Variants in PAX6 observed in about 807,000 individuals in gnomAD.
PAX6 encodes paired box 6.
A neutral mutation model predicts 60.7 loss-of-function variants in PAX6; 7 were observed. The ratio of observed to expected loss-of-function variants is 0.12; its 90% CI spans 0.07 to 0.22. PAX6 has a LOEUF of 0.22. PAX6 is among the 10% of genes least tolerant of loss of function. The probability of loss-of-function intolerance (pLI) is 1.00; values close to 1 mark genes in which losing one functional copy is unlikely to be tolerated. For synonymous variants in PAX6, 208 were observed against 201.2 expected, an observed-to-expected ratio of 1.03 and a Z score of -0.29; for missense variants, 355 against 555.2, an observed-to-expected ratio of 0.64 and a Z score of 3.62.
At position 31,790,877 on chromosome 11, in the gene PAX6, A is replaced by G; in HGVS notation, c.1075-17T>C. On this transcript the variant is annotated splice_polypyrimidine_tract_variant and intron_variant, in intron 12 of 13. Transcript: ENST00000640368. ...GACTGGGGGCTGTGAGGAGAGAGGC[A>G]AACCTGTGGTTACTGAGGAACACAT... is the stretch of plus-strand genomic sequence containing the variant. 2 of 1,613,170 alleles carry G rather than the reference A, an allele frequency of 1.2e-6. No homozygotes were observed. Among genetic ancestry groups the G allele is most frequent in the Non-Finnish European group, 1.7e-6 (2 of 1,179,582 alleles).
At chr11:31,816,401 C>T (rs1540318) in intron 1 of PAX6, 117,218 of 614,212 alleles carry the variant, frequency 0.19, 12,099 homozygotes, top group East Asian at 0.33. Flanking sequence ...GTCCTCGGCT[C>T]GCCCTGGGCG....
chr11:31,813,004 A>G (rs1320663911), upstream of PAX6: 1 of 152,092 alleles, frequency 6.6e-6, no homozygotes, highest in East Asian at 1.9e-4. Context: ...CCTGCGACCA[A>G]GGAGCCCGGG....
At chr11:31,790,634 C>A in intron 13 of PAX6, 76 bp downstream of exon 13, 1 of 1,600,290 alleles carries the variant, frequency 6.2e-7, no homozygotes, top group Non-Finnish European at 8.6e-7. Flanking sequence ...TCCCATAAGA[C>A]CAGGAGATTC....
chr11:31,790,960 C>A (rs1393126821), intron 12 of PAX6, 100 bp from the exon 13 acceptor site: 1 of 1,238,942 alleles, frequency 8.1e-7, no homozygotes, highest in Non-Finnish European at 1.2e-6. Flanking sequence ...CAAGTCTGAT[C>A]ATTAAAGATG....
intron 8 of PAX6, among the ~76,000 whole-genome samples, chr11:31,795,732 G>A (rs1951269895): frequency 6.6e-6 from 1 of 152,242 alleles, no homozygotes; most frequent in South Asian, 2.1e-4. Flanking sequence ...GCTGCCTGGA[G>A]GGCAAGATGT....
At chr11:31,804,507 G>C (rs981947916) in intron 4 of PAX6, 2 of 152,264 alleles carry the variant, frequency 1.3e-5, no homozygotes, top group Non-Finnish European at 2.9e-5. Flanking sequence ...AGGCGTTTGG[G>C]GGATCTGGGC....
chr11:31,809,327 C>T (rs988864268), intron 2 of PAX6: 1 of 152,254 alleles, frequency 6.6e-6, no homozygotes, highest in Non-Finnish European at 1.5e-5. Flanking sequence ...CTTTGCCTTT[C>T]ATTTCATTTT....
intron 9 of PAX6, 122 bp downstream of exon 9, chr11:31,794,508 C>A: frequency 1.0e-6 from 1 of 962,480 alleles, no homozygotes; most frequent in Non-Finnish European, 1.6e-6. Context: ...AATAAAAAGA[C>A]AGAAAAAAGG....
intron 13 of PAX6, 26 bp downstream of exon 13, chr11:31,790,684 G>A (rs768403280): frequency 1.2e-6 from 2 of 1,613,656 alleles, no homozygotes; most frequent in Admixed American, 1.7e-5. Flanking sequence ...TCGCCTCTGT[G>A]CAGCCTGCAG....
chr11:31,807,266 A>C (rs562230027), intron 2 of PAX6: 3 of 152,584 alleles, frequency 2.0e-5, no homozygotes, highest in African/African-American at 7.2e-5. Flanking sequence ...CTGAGGTTGA[A>C]GGGGTGTGAG....
chr11:31,807,557 A>G (rs1239051288), intron 2 of PAX6: 1 of 152,058 alleles, frequency 6.6e-6, no homozygotes, highest in Non-Finnish European at 1.5e-5. Flanking sequence ...CCCAAACCTC[A>G]CTTATTGTGA....
At chr11:31,790,097 CAAAAAAAAAAAAA>C in intron 13 of PAX6, 78 bp from the exon 14 acceptor site, 3 of 144,186 alleles carry the variant, frequency 2.1e-5, no homozygotes, top group Non-Finnish European at 3.8e-5. Context: ...TATAGGTTTA[CAAAAAAAAAAAAA>C]AAAAAAAAAA....
In PAX6 at chr11:31,810,846, C is replaced by T. The variant is rs192375760; in HGVS notation, c.-147G>A. 2.5e-6 allele frequency: 1 copy of T among 399,170 alleles called. No individual in the cohort carries two copies. The highest frequency in any genetic ancestry group is 2.1e-5 in the African/African-American group (1 of 48,770). The allele number at this position is 399,170 out of a possible 1,614,324, so 24.7% of individuals were successfully genotyped here. A position where few individuals can be genotyped will look rare whatever the true frequency, so the allele number is the denominator to read the frequency against. ...GACTCACCTTTATGAGGCATCCTTT[C>T]TGGTTGTCACAGCTTCTGTCAAGAG... On this transcript the variant is annotated 5_prime_UTR_variant, in exon 2 of 14. Coordinates refer to ENST00000640368, the MANE Select transcript of PAX6 (RefSeq NM_001368894.2).
chr11:31,810,202 G>A (rs904570263), intron 2 of PAX6: 1 of 152,360 alleles, frequency 6.6e-6, no homozygotes, highest in African/African-American at 2.4e-5. Flanking sequence ...GACTCCACTC[G>A]GGCTGGTGGC....
In PAX6 at chr11:31,789,912, CTTTTTTTTTTT is replaced by C. The variant is rs759391101; in HGVS notation, c.*11_*21del. ...CTGAATTAACACAATATTTCCTTTC[CTTTTTTTTTTT>C]TTTTTTTTTTTTACTGTAATCTTGG... On this transcript the variant is annotated 3_prime_UTR_variant, in exon 14 of 14. Coordinates refer to ENST00000640368, the MANE Select transcript of PAX6 (RefSeq NM_001368894.2). The C allele has an allele frequency of 2.6e-5, 27 of 1,046,616 alleles. No individual in the cohort carries two copies. Among genetic ancestry groups the C allele is most frequent in the Non-Finnish European group, 3.4e-5 (25 of 726,220 alleles). The allele number at this position is 1,046,616 out of a possible 1,614,324, so 64.8% of individuals were successfully genotyped here.
At chr11:31,802,145 G>C (rs1045746608) in intron 5 of PAX6, 1 of 549,302 alleles carries the variant, frequency 1.8e-6, no homozygotes. Flanking sequence ...CTTGCTTAAA[G>C]TGGCGTTATG....
chr11:31,800,272 T>A (rs1325192090), intron 8 of PAX6, among the ~76,000 whole-genome samples: 1 of 152,114 alleles, frequency 6.6e-6, no homozygotes, highest in Non-Finnish European at 1.5e-5. Flanking sequence ...GTCACATAAT[T>A]TGTCAATTAC....
At chr11:31,811,877 G>A (rs1957069234), upstream of PAX6, 1 of 152,532 alleles carries the variant, frequency 6.6e-6, no homozygotes, top group South Asian at 2.1e-4. Context: ...TCCAGCTGCG[G>A]AGGCCGCGGC....
At chr11:31,806,088 C>A in intron 4 of PAX6, 1 of 428,296 alleles carries the variant, frequency 2.3e-6, no homozygotes, top group Non-Finnish European at 4.1e-6. Context: ...GGGGTCAGAG[C>A]CCGGGCAGGG....
Sources: gnomAD v4.1 joint callset for allele counts (sites outside exome capture counted in the v4.1 genomes callset) on GRCh38, gnomAD v4.1.1 for gene constraint, MANE v1.5 for transcripts, NCBI Gene and HGNC (gene_info 2026-07-23, HGNC 2026-07-21) for gene names.